SCAPER: variants seen among roughly 807,000 people sequenced by gnomAD.
SCAPER encodes S-phase cyclin A associated protein in the ER.
SCAPER carries 98 observed loss-of-function variants against 182.2 expected under a neutral mutation model. The observed-to-expected ratio is 0.54, with a 90% CI of 0.46 to 0.64. SCAPER has a LOEUF of 0.64. Among genes scored for constraint, SCAPER ranks in the 30% least tolerant of loss-of-function variants. The pLI, the probability that SCAPER is intolerant of heterozygous loss-of-function variation, is 0.00. For missense variants in SCAPER, 1,432 were observed against 1,690.0 expected (o/e 0.85, Z 2.68); for synonymous variants, 605 against 564.6 (o/e 1.07, Z -1.01).
chr15:76,877,880 A>G (rs148801199), intron 2 of SCAPER, among the ~76,000 whole-genome samples: 1 of 152,344 alleles, frequency 6.6e-6, no homozygotes, highest in Non-Finnish European at 1.5e-5. Flanking sequence ...ATTATATAAT[A>G]ATACTGTATG....
At chr15:76,870,252 G>A (rs1476552229) in intron 2 of SCAPER, among the ~76,000 whole-genome samples, 5 of 152,064 alleles carry the variant, frequency 3.3e-5, no homozygotes, top group Non-Finnish European at 7.4e-5. Context: ...AGAATAATTT[G>A]AATGTTTCTA....
chr15:76,400,695 G>A (rs1381785226), intron 27 of SCAPER, among the ~76,000 whole-genome samples: 1 of 152,118 alleles, frequency 6.6e-6, no homozygotes, highest in Non-Finnish European at 1.5e-5. Context: ...ATTAAGCCAG[G>A]AAACCACCTG....
chr15:76,827,827 C>A (rs929587233), intron 5 of SCAPER, among the ~76,000 whole-genome samples: 3 of 152,146 alleles, frequency 2.0e-5, no homozygotes, highest in Non-Finnish European at 2.9e-5. Context: ...ATACCTATGT[C>A]TAGAAACTAG....
At chr15:76,761,528 T>G (rs1262126411) in intron 14 of SCAPER, among the ~76,000 whole-genome samples, 1 of 152,198 alleles carries the variant, frequency 6.6e-6, no homozygotes, top group Non-Finnish European at 1.5e-5. Context: ...ATTATTTAAA[T>G]TCCCCTTTAT....
At chr15:76,415,372 C>T (rs1354448547) in intron 26 of SCAPER, among the ~76,000 whole-genome samples, 1 of 152,034 alleles carries the variant, frequency 6.6e-6, no homozygotes, top group African/African-American at 2.4e-5. Flanking sequence ...TAGGTATATA[C>T]CCTTGAGAAA....
At chr15:76,371,888 A>C (rs1030910852) in intron 29 of SCAPER, among the ~76,000 whole-genome samples, 21 of 152,006 alleles carry the variant, frequency 1.4e-4, no homozygotes, top group Non-Finnish European at 2.6e-4. Flanking sequence ...ACTGCACTCC[A>C]GCCTGGGCAA....
chr15:76,686,036 C>T (rs904689630), intron 20 of SCAPER, among the ~76,000 whole-genome samples: 2 of 151,800 alleles, frequency 1.3e-5, no homozygotes, highest in African/African-American at 4.8e-5. Context: ...TGAAGTAGAA[C>T]ACAAAAAGTA....
chr15:76,662,111 C>T (rs1009337468), intron 21 of SCAPER, among the ~76,000 whole-genome samples: 13 of 152,188 alleles, frequency 8.5e-5, no homozygotes, highest in Admixed American at 3.9e-4. Flanking sequence ...TGTTCTCACT[C>T]GTAAGTGGGA....
intron 1 of SCAPER, among the ~76,000 whole-genome samples, chr15:76,899,375 G>A (rs2074623651): frequency 6.6e-6 from 1 of 152,212 alleles, no homozygotes; most frequent in Non-Finnish European, 1.5e-5. Flanking sequence ...TGTTGACCGT[G>A]CTGGTCTCCA....
intron 27 of SCAPER, among the ~76,000 whole-genome samples, chr15:76,397,474 CTTTTTTTTTTTTTTT>C (rs71143321): frequency 1.8e-4 from 13 of 71,540 alleles, no homozygotes; most frequent in Non-Finnish European, 3.2e-4. Context: ...TATTGGCAGA[CTTTTTTTTTTTTTTT>C]TTTTTTTTGA....
At chr15:76,372,199 T>C (rs1269456190) in intron 29 of SCAPER, among the ~76,000 whole-genome samples, 1 of 152,196 alleles carries the variant, frequency 6.6e-6, no homozygotes. Flanking sequence ...TTTTTCACTT[T>C]TCTAATTTCT....
intron 4 of SCAPER, among the ~76,000 whole-genome samples, chr15:76,844,440 G>C (rs1454898808): frequency 6.6e-6 from 1 of 151,894 alleles, no homozygotes; most frequent in East Asian, 1.9e-4. Context: ...TTTTCTTCAT[G>C]TTCACAGACT....
chr15:76,559,570 G>C (rs188759133), intron 23 of SCAPER, among the ~76,000 whole-genome samples: 1 of 152,148 alleles, frequency 6.6e-6, no homozygotes, highest in Non-Finnish European at 1.5e-5. Context: ...GTATGAAACA[G>C]ACTAATACAA....
intron 1 of SCAPER, among the ~76,000 whole-genome samples, chr15:76,893,146 G>A (rs568059555): frequency 2.3e-4 from 35 of 152,210 alleles, no homozygotes; most frequent in South Asian, 8.3e-4. Flanking sequence ...TGGACACAGG[G>A]CAGGGAACAT....
At chr15:76,394,400 TC>T (rs1567051414) in intron 27 of SCAPER, among the ~76,000 whole-genome samples, 1 of 152,174 alleles carries the variant, frequency 6.6e-6, no homozygotes, top group Non-Finnish European at 1.5e-5. Context: ...TTCCTTTCAA[TC>T]AACAGAATGT....
At chr15:76,471,393 T>C in intron 24 of SCAPER, 58 bp from the exon 25 acceptor site, 3 of 1,504,276 alleles carry the variant, frequency 2.0e-6, no homozygotes, top group Non-Finnish European at 2.7e-6. Context: ...TTTAAACAAT[T>C]AAAAATACAT....
intron 21 of SCAPER, among the ~76,000 whole-genome samples, chr15:76,622,207 C>A (rs946842853): frequency 3.3e-5 from 5 of 152,148 alleles, no homozygotes; most frequent in Admixed American, 6.5e-5. Flanking sequence ...TGACAGTCAT[C>A]AAGCTAGTCA....
chr15:76,541,405 T>A (rs995210671), intron 23 of SCAPER, among the ~76,000 whole-genome samples: 13 of 152,180 alleles, frequency 8.5e-5, no homozygotes, highest in African/African-American at 2.9e-4. Flanking sequence ...TGGAGACTTG[T>A]ATGGATTTGC....
At chr15:76,521,547 C>A (rs2459361) in intron 23 of SCAPER, among the ~76,000 whole-genome samples, 54,773 of 151,850 alleles carry the variant, frequency 0.36, 10,158 homozygotes, top group East Asian at 0.58. Context: ...AGCTGTAGTT[C>A]GGTTATCCAT....
Sources: allele counts gnomAD v4.1 joint callset (sites outside exome capture counted in the v4.1 genomes callset), GRCh38; gene constraint gnomAD v4.1.1; transcripts MANE v1.5; gene names NCBI Gene and HGNC (gene_info 2026-07-23, HGNC 2026-07-21).